CDON: variants seen among roughly 807,000 people sequenced by gnomAD.
CDON encodes the protein cell adhesion associated, oncogene regulated.
CDON carries 73 observed loss-of-function variants against 120.9 expected under a neutral mutation model. The ratio of observed to expected loss-of-function variants is 0.60; its 90% CI spans 0.50 to 0.73. The LOEUF is 0.73. CDON is among the 30% of genes least tolerant of loss of function. The probability of loss-of-function intolerance (pLI) is 0.00; values close to 1 mark genes in which losing one functional copy is unlikely to be tolerated. For missense variants in CDON, 1,470 were observed against 1,587.3 expected (o/e 0.93, Z 1.26); for synonymous variants, 566 against 573.5 (o/e 0.99, Z 0.19).
At chr11:126,018,225 T>C in intron 5 of CDON, 105 bp downstream of exon 5, 1 of 1,260,792 alleles carries the variant, frequency 7.9e-7, no homozygotes. Flanking sequence ...GGTAAGACTT[T>C]TTATGATAAA....
At chr11:126,002,685 T>C (rs1946983124) in intron 10 of CDON, among the ~76,000 whole-genome samples, 1 of 152,180 alleles carries the variant, frequency 6.6e-6, no homozygotes, top group African/African-American at 2.4e-5. Context: ...CTTGGCATAT[T>C]CTGGTCTCTT....
At chr11:126,059,813 G>A (rs1425821706) in intron 1 of CDON, among the ~76,000 whole-genome samples, 3 of 151,802 alleles carry the variant, frequency 2.0e-5, no homozygotes, top group Non-Finnish European at 2.9e-5. Context: ...ATTTTAAAAA[G>A]CCACATTAAT....
chr11:125,974,277 T>C (rs1463944777), intron 18 of CDON, among the ~76,000 whole-genome samples: 1 of 151,534 alleles, frequency 6.6e-6, no homozygotes, highest in Non-Finnish European at 1.5e-5. Flanking sequence ...CCTGTTATGC[T>C]CACTGCCATA....
chr11:126,009,581 G>A (rs779331576), intron 8 of CDON, among the ~76,000 whole-genome samples: 1 of 152,172 alleles, frequency 6.6e-6, no homozygotes, highest in Admixed American at 6.5e-5. Context: ...AGAGAGCCAC[G>A]CTAAGCCCCT....
intron 4 of CDON, among the ~76,000 whole-genome samples, chr11:126,019,267 T>G (rs1311190624): frequency 6.6e-6 from 1 of 151,952 alleles, no homozygotes; most frequent in African/African-American, 2.4e-5. Flanking sequence ...AGACAAACAA[T>G]AATAAACTAA....
In CDON at chr11:126,010,520, C is replaced by T. The variant is rs751107295; in HGVS notation, c.1373G>A (p.Arg458Gln). 52 of 1,613,972 alleles carry T rather than the reference C, an allele frequency of 3.2e-5. No individual in the cohort carries two copies. Among genetic ancestry groups the T allele is most frequent in the South Asian group, 2.6e-4 (24 of 91,080 alleles). The change falls in exon 8 of 20, where the codon CGA (arginine) becomes CAA (glutamine). Residue 458 changes from arginine (R) to glutamine (Q), a missense_variant. Physicochemically the swap from Arg to Gln is conservative, Grantham distance 43 (BLOSUM62 1). Coordinates refer to ENST00000531738, the MANE Select transcript of CDON (RefSeq NM_001378964.1). ...CTCAGGTCTTGATAACTGTGATTTTCGGGATTTCGATCTCAGGACTTGAGA... is the reference window on the plus strand; with the variant it reads ...CTCAGGTCTTGATAACTGTGATTTTTGGGATTTCGATCTCAGGACTTGAGA... ...HPSQVLRSKS[R>Q]KSQLSRPEGL... is the part of the protein sequence containing the mutation.
chr11:125,992,967 G>A (rs185518395), intron 14 of CDON, among the ~76,000 whole-genome samples: 62 of 152,252 alleles, frequency 4.1e-4, no homozygotes, highest in African/African-American at 1.3e-3. Context: ...ACTGAGAAGC[G>A]GGCATTCAGC....
chr11:126,056,872 C>CT (rs1948693602), intron 1 of CDON, among the ~76,000 whole-genome samples: 1 of 152,096 alleles, frequency 6.6e-6, no homozygotes, highest in South Asian at 2.1e-4. Context: ...GTGGACTTTT[C>CT]TTTTTTCTTC....
chr11:126,013,769 T>C (rs1475707746), intron 7 of CDON, among the ~76,000 whole-genome samples: 3 of 152,114 alleles, frequency 2.0e-5, no homozygotes, highest in Non-Finnish European at 2.9e-5. Context: ...CTGTATTTTA[T>C]CTTTGTTTTC....
At position 126,001,820 on chromosome 11, in the gene CDON, G is replaced by A. The variant is rs12274923; in HGVS notation, c.2057C>T (p.Ala686Val). Residue 686 changes from alanine to valine, a missense_variant, in exon 11 of 20, where the codon GCA (alanine) becomes GTA (valine). Coordinates refer to ENST00000531738, the MANE Select transcript of CDON (RefSeq NM_001378964.1). Reference protein sequence around the residue: ...EKTASSKNTQASSPPVGIPKY... With the variant: ...EKTASSKNTQVSSPPVGIPKY... Reference sequence around the variant, plus strand: ...AGGGATGCCCACGGGTGGAGAGGATGCCTGGGTGTTTTTTGATGACGCTGT... The same window carrying A: ...AGGGATGCCCACGGGTGGAGAGGATACCTGGGTGTTTTTTGATGACGCTGT... The A allele has an allele frequency of 0.18, 284,049 of 1,595,034 alleles. 26,783 individuals carry two copies. The highest frequency in any genetic ancestry group is 0.19 in the Non-Finnish European group (220,079 of 1,162,492).
chr11:126,050,495 A>AACACACACACACACAC (rs10643446), intron 1 of CDON, among the ~76,000 whole-genome samples: 55 of 143,104 alleles, frequency 3.8e-4, no homozygotes, highest in African/African-American at 1.3e-3. Context: ...GTAAGTAGCA[A>AACACACACACACACAC]ACACACACAC....
chr11:126,018,624 A>G, intron 4 of CDON, 151 bp from the exon 5 acceptor site: 1 of 712,546 alleles, frequency 1.4e-6, no homozygotes, highest in Admixed American at 2.3e-5. Flanking sequence ...GCTGTAGTAC[A>G]GTGGCATAAG....
At chr11:126,060,855 C>A (rs1033019829) in intron 1 of CDON, among the ~76,000 whole-genome samples, 2 of 152,194 alleles carry the variant, frequency 1.3e-5, no homozygotes, top group African/African-American at 4.8e-5. Flanking sequence ...GCAAAGAAAG[C>A]AAGGCGTAAG....
chr11:126,055,581 A>G (rs928855632), intron 1 of CDON, among the ~76,000 whole-genome samples: 1 of 152,228 alleles, frequency 6.6e-6, no homozygotes, highest in Non-Finnish European at 1.5e-5. Context: ...CGTCTCTGAT[A>G]CCGGCCTTTC....
In CDON at chr11:126,010,691, C is replaced by T. The variant is rs1314016998; in HGVS notation, c.1202G>A (p.Gly401Asp). 1.2e-6 allele frequency: 2 copies of T among 1,613,178 alleles called. No homozygotes were observed. The highest frequency in any genetic ancestry group is 4.5e-5 in the East Asian group (2 of 44,866). ...STGRLEIEND[G>D]GFKPVIITAP... ...CGTAATTATAACTGGCTTGAATCCA[C>T]CGTCTATTAAAAAAGTAATTCACAT... The change falls in exon 8 of 20, where the codon GGT becomes GAT. Residue 401 changes from glycine (G) to aspartate (D), a missense_variant. Coordinates refer to ENST00000531738, the MANE Select transcript of CDON (RefSeq NM_001378964.1).
intron 1 of CDON, among the ~76,000 whole-genome samples, chr11:126,052,110 CAAAACAAAACA>C (rs1304645758): frequency 6.0e-5 from 9 of 149,176 alleles, no homozygotes; most frequent in Admixed American, 2.7e-4. Context: ...CAAAACAAAA[CAAAACAAAACA>C]AAAAAAACTT....
At chr11:126,036,732 G>A (rs890045996) in intron 1 of CDON, among the ~76,000 whole-genome samples, 1 of 152,084 alleles carries the variant, frequency 6.6e-6, no homozygotes, top group Non-Finnish European at 1.5e-5. Flanking sequence ...TCTGCTGCCC[G>A]GACTGGAGTG....
chr11:125,965,236 TAA>T (rs1179182833), intron 18 of CDON, among the ~76,000 whole-genome samples: 6 of 152,186 alleles, frequency 3.9e-5, no homozygotes, highest in Non-Finnish European at 5.9e-5. Flanking sequence ...TGGCCAAAAA[TAA>T]TTCTTAAAAA....
At chr11:125,972,008 A>G (rs780628795) in intron 18 of CDON, among the ~76,000 whole-genome samples, 20 of 152,224 alleles carry the variant, frequency 1.3e-4, no homozygotes, top group African/African-American at 2.2e-4. Flanking sequence ...TAACTCTTGA[A>G]ATGCCCAAAT....
Sources: gnomAD v4.1 joint callset for allele counts (sites outside exome capture counted in the v4.1 genomes callset) on GRCh38, gnomAD v4.1.1 for gene constraint, MANE v1.5 for transcripts, NCBI Gene and HGNC (gene_info 2026-07-23, HGNC 2026-07-21) for gene names.